OPCML: variants seen among roughly 807,000 people sequenced by gnomAD.
OPCML encodes opioid binding protein/cell adhesion molecule like.
A neutral mutation model predicts 37.8 loss-of-function variants in OPCML; 13 were observed. The observed-to-expected ratio is 0.34, with a 90% CI of 0.22 to 0.55. OPCML has a LOEUF of 0.55. Among genes scored for constraint, OPCML ranks in the 20% least tolerant of loss-of-function variants. The probability of loss-of-function intolerance (pLI) is 0.91; values close to 1 mark genes in which losing one functional copy is unlikely to be tolerated. For missense variants in OPCML, 341 were observed against 435.6 expected (o/e 0.78, Z 1.93); for synonymous variants, 176 against 168.8 (o/e 1.04, Z -0.33).
At chr11:133,493,650 C>T (rs1947715640) in intron 1 of OPCML, among the ~76,000 whole-genome samples, 1 of 151,934 alleles carries the variant, frequency 6.6e-6, no homozygotes, top group African/African-American at 2.4e-5. Context: ...ATTTAGTGGA[C>T]ATCATTGCAG....
At chr11:132,649,883 G>A (rs7941705) in intron 3 of OPCML, among the ~76,000 whole-genome samples, 15,161 of 151,728 alleles carry the variant, frequency 0.1, 1,408 homozygotes, top group African/African-American at 0.25. Context: ...GAGGTACCAC[G>A]TACACACTCA....
chr11:133,431,843 C>T (rs1458910227), intron 1 of OPCML, among the ~76,000 whole-genome samples: 1 of 148,880 alleles, frequency 6.7e-6, no homozygotes, highest in Non-Finnish European at 1.5e-5. Flanking sequence ...ATTTGAGAGT[C>T]ATACAGTATA....
At chr11:133,333,915 A>T (rs1943682622) in intron 1 of OPCML, among the ~76,000 whole-genome samples, 1 of 152,240 alleles carries the variant, frequency 6.6e-6, no homozygotes, top group South Asian at 2.1e-4. Flanking sequence ...TGATCATTAG[A>T]GAAATGCAAA....
chr11:133,183,248 C>A (rs535748368), intron 1 of OPCML, among the ~76,000 whole-genome samples: 8 of 152,124 alleles, frequency 5.3e-5, no homozygotes, highest in African/African-American at 7.2e-5. Flanking sequence ...AAATAAGAAA[C>A]GCACACTGAC....
intron 2 of OPCML, among the ~76,000 whole-genome samples, chr11:132,893,216 C>A (rs76031652): frequency 0.033 from 4,958 of 152,192 alleles, 124 homozygotes; most frequent in Non-Finnish European, 0.051. Context: ...GAGCCAAGAT[C>A]GTGCCGCTGC....
At chr11:133,267,663 A>G (rs1941701474) in intron 1 of OPCML, among the ~76,000 whole-genome samples, 1 of 152,130 alleles carries the variant, frequency 6.6e-6, no homozygotes, top group South Asian at 2.1e-4. Context: ...TCCCTACCCA[A>G]ATCTCATCTG....
chr11:132,490,643 C>T (rs2096212753), intron 4 of OPCML, among the ~76,000 whole-genome samples: 1 of 151,840 alleles, frequency 6.6e-6, no homozygotes, highest in African/African-American at 2.4e-5. Flanking sequence ...ACAGTGAAAC[C>T]CCGTCTCTAC....
intron 1 of OPCML, among the ~76,000 whole-genome samples, chr11:133,473,479 T>C (rs1342163612): frequency 6.6e-6 from 1 of 152,044 alleles, no homozygotes; most frequent in Admixed American, 6.5e-5. Context: ...AATTGCTGAG[T>C]CAAGTACTTA....
Position 133,212,607 on chromosome 11 carries a change from A to G in OPCML, c.62-269597T>C, listed in dbSNP as rs1939410180. Among the ~76,000 whole-genome samples, 1 of 152,166 alleles carries G rather than the reference A, an allele frequency of 6.6e-6. No individual in the cohort carries two copies. The highest frequency in any genetic ancestry group is 1.5e-5 in the Non-Finnish European group (1 of 68,036). Reference sequence around the variant, plus strand: ...CTCTTTTACTTTCTCACTTGTCCAAAGCCCTTGTCATCTTCTAACAGCCTC... The same window carrying G: ...CTCTTTTACTTTCTCACTTGTCCAAGGCCCTTGTCATCTTCTAACAGCCTC... On this transcript the variant is annotated intron_variant, in intron 1 of 7. Transcript: ENST00000524381. The surrounding 1 kb of genome is among the most constrained non-coding windows in gnomAD (Gnocchi z 4.9).
At chr11:133,452,952 C>T (rs1190861152) in intron 1 of OPCML, among the ~76,000 whole-genome samples, 1 of 148,288 alleles carries the variant, frequency 6.7e-6, no homozygotes, top group Non-Finnish European at 1.5e-5. Flanking sequence ...CAAATGTATA[C>T]TATCTTCAGC....
At chr11:132,573,982 T>A (rs1377656257) in intron 3 of OPCML, among the ~76,000 whole-genome samples, 1 of 151,936 alleles carries the variant, frequency 6.6e-6, no homozygotes, top group Admixed American at 6.6e-5. Context: ...AATGTATGAA[T>A]TTCCTCTAGC....
At chr11:132,790,180 C>T (rs1937801265) in intron 2 of OPCML, among the ~76,000 whole-genome samples, 1 of 152,164 alleles carries the variant, frequency 6.6e-6, no homozygotes, top group African/African-American at 2.4e-5. Flanking sequence ...AAGATATGGA[C>T]TCCACCTAAG....
intron 1 of OPCML, among the ~76,000 whole-genome samples, chr11:133,499,834 G>A (rs1447507638): frequency 1.5e-5 from 2 of 134,166 alleles, no homozygotes; most frequent in African/African-American, 2.9e-5. Flanking sequence ...ACATATATAT[G>A]TGTATGTATA....
At chr11:133,168,582 G>A (rs1950245991) in intron 1 of OPCML, among the ~76,000 whole-genome samples, 1 of 152,198 alleles carries the variant, frequency 6.6e-6, no homozygotes, top group Non-Finnish European at 1.5e-5. Flanking sequence ...ATATGGTACA[G>A]TTTATAAAAT....
At chr11:132,809,078 T>G (rs775052936) in intron 2 of OPCML, among the ~76,000 whole-genome samples, 3 of 152,134 alleles carry the variant, frequency 2.0e-5, no homozygotes, top group Non-Finnish European at 4.4e-5. Context: ...TGTCTAGAGA[T>G]CTTAAAGAAA....
intron 2 of OPCML, among the ~76,000 whole-genome samples, chr11:132,679,737 A>G (rs1358214065): frequency 6.6e-6 from 1 of 152,236 alleles, no homozygotes; most frequent in Non-Finnish European, 1.5e-5. Context: ...TTAAATGAGT[A>G]AAGTGTATGG....
chr11:132,667,753 G>A (rs1295490227), intron 2 of OPCML, among the ~76,000 whole-genome samples: 3 of 152,092 alleles, frequency 2.0e-5, no homozygotes, highest in South Asian at 4.2e-4. Context: ...GAAAGGGGAT[G>A]AAGGATGCAA....
chr11:132,874,137 C>A (rs1942919160), intron 2 of OPCML, among the ~76,000 whole-genome samples: 1 of 152,150 alleles, frequency 6.6e-6, no homozygotes. Context: ...TAATGACTGC[C>A]ATCAATTATA....
intron 4 of OPCML, among the ~76,000 whole-genome samples, chr11:132,518,267 T>C (rs2096284568): frequency 6.6e-6 from 1 of 152,094 alleles, no homozygotes; most frequent in Non-Finnish European, 1.5e-5. Flanking sequence ...TGTTGTTCCC[T>C]TCACTGTGCC....
Sources: gnomAD v4.1 joint callset for allele counts (sites outside exome capture counted in the v4.1 genomes callset) on GRCh38, gnomAD v4.1.1 for gene constraint, Gnocchi (gnomAD v3.1) non-coding constraint, MANE v1.5 for transcripts, NCBI Gene and HGNC (gene_info 2026-07-23, HGNC 2026-07-21) for gene names.